The following APC variants were observed in gnomAD, a reference collection of about 807,000 sequenced individuals.
APC encodes APC regulator of Wnt signaling pathway, also known as adenomatous polyposis coli protein.
Under a neutral mutation model 247.0 loss-of-function variants are expected in APC, and 72 were observed. That is an observed-to-expected ratio of 0.29 (90% confidence interval 0.24 to 0.35). APC has a LOEUF of 0.35. Among genes scored for constraint, APC ranks in the 10% least tolerant of loss-of-function variants. APC has a pLI of 1.00. For missense variants in APC, 3,400 were observed against 3,360.7 expected (o/e 1.01, Z -0.29); for synonymous variants, 1,254 against 1,162.5 (o/e 1.08, Z -1.60).
At chr5:112,834,141 C>G (rs1764606972) in intron 14 of APC, among the ~76,000 whole-genome samples, 1 of 151,444 alleles carries the variant, frequency 6.6e-6, no homozygotes, top group Admixed American at 6.6e-5. Flanking sequence ...GGGATTTCAC[C>G]ATGTTGTCCA....
chr5:112,717,908 CTTTTTTTTTTTT>C lies in APC; in HGVS notation c.165+10044_165+10055del. ...CTCTTTTCTTTTTCTTTTTCTTTTT[CTTTTTTTTTTTT>C]TTTTTTTTTTTTTTTTTGCTTCTTT... is the stretch of plus-strand genomic sequence containing the variant. On this transcript the variant is annotated intron_variant, in intron 1 of 13. Coordinates refer to the APC transcript ENST00000507379. Among the ~76,000 whole-genome samples, 30 of 40,658 alleles carry C rather than the reference CTTTTTTTTTTTT, an allele frequency of 7.4e-4. No individual in the cohort carries two copies. In the East Asian group the frequency reaches 7.9e-3, roughly 11 times the overall value. 26.7% of individuals were successfully genotyped at this position (40,658 alleles called of 152,430 possible). A position where few individuals can be genotyped will look rare whatever the true frequency, so the allele number is the denominator to read the frequency against.
At chr5:112,828,714 G>A in intron 13 of APC, 142 bp from the exon 14 acceptor site, 2 of 624,698 alleles carry the variant, frequency 3.2e-6, no homozygotes, top group Non-Finnish European at 5.8e-6. Flanking sequence ...CTCCCAAAGT[G>A]ATAGGATTAC....
At chr5:112,764,618 A>G (rs1561459374) in intron 2 of APC, among the ~76,000 whole-genome samples, 1 of 152,240 alleles carries the variant, frequency 6.6e-6, no homozygotes, top group African/African-American at 2.4e-5. Flanking sequence ...AGCATCCATC[A>G]GTTGGTTGGA....
chr5:112,717,202 G>A (rs938561196), intron 1 of APC, among the ~76,000 whole-genome samples: 5 of 151,974 alleles, frequency 3.3e-5, no homozygotes, highest in Non-Finnish European at 7.4e-5. Context: ...GAGTAGATAC[G>A]GGGTTTCACC....
At chr5:112,735,130 G>A (rs1005349925), upstream of APC, among the ~76,000 whole-genome samples, 5 of 151,832 alleles carry the variant, frequency 3.3e-5, no homozygotes, top group Non-Finnish European at 5.9e-5. Flanking sequence ...TTGTCAGTGC[G>A]GTCTTTAAAC....
At chr5:112,766,282 G>T (rs2149783532) in intron 2 of APC, 44 bp from the exon 3 acceptor site, 1 of 1,365,148 alleles carries the variant, frequency 7.3e-7, no homozygotes, top group Non-Finnish European at 1.0e-6. Context: ...ATGTCTTGAA[G>T]TTATTTAGAA....
In APC at chr5:112,840,960, T is replaced by A. The variant is rs1362525174; in HGVS notation, c.5366T>A (p.Val1789Glu). The change falls in exon 16 of 16, where the codon GTA becomes GAA. Residue 1789 changes from valine to glutamate, a missense_variant. Physicochemically the swap from Val to Glu is moderately radical, Grantham distance 121. Transcript: ENST00000257430. The surrounding 1 kb of genome is among the most constrained non-coding windows in gnomAD (Gnocchi z 4.1). ...CAAAATACTGAATATAGGACACGTG[T>A]AAGAAAAAATGCAGACTCAAAAAAT... is the stretch of plus-strand genomic sequence containing the variant. ...IPQNTEYRTR[V>E]RKNADSKNNL... 6.2e-7 allele frequency: 1 copy of A among 1,612,996 alleles called. No individual in the cohort carries two copies. Among genetic ancestry groups the A allele is most frequent in the Admixed American group, 1.7e-5 (1 of 59,824 alleles).
At position 112,802,772 on chromosome 5, in the gene APC, A is replaced by G. The variant is rs571071024; in HGVS notation, c.834+1389A>G. Among the ~76,000 whole-genome samples, 212 of 152,266 alleles carry G rather than the reference A, an allele frequency of 1.4e-3. 2 individuals are homozygous for G. Among genetic ancestry groups the G allele is most frequent in the African/African-American group, 5.0e-3 (207 of 41,588 alleles). Reference sequence around the variant, plus strand: ...TCACGTTACAGCATGAGACTTCAGTATGCCAGGAAATCATAGCGAGATTCC... The same window carrying G: ...TCACGTTACAGCATGAGACTTCAGTGTGCCAGGAAATCATAGCGAGATTCC... On this transcript the variant is annotated intron_variant, in intron 8 of 15. Coordinates refer to ENST00000257430, the MANE Select transcript of APC (RefSeq NM_000038.6).
chr5:112,767,423 G>T, intron 4 of APC, 33 bp downstream of exon 4: 1 of 1,464,346 alleles, frequency 6.8e-7, no homozygotes, highest in Non-Finnish European at 9.6e-7. Flanking sequence ...ACATTGCCTT[G>T]TGTACTCCAG....
rs1417305361 is a variant in APC at position 112,751,157 on chromosome 5, A to G, written c.-18-3716A>G. 4.6e-5 allele frequency among the ~76,000 whole-genome samples: 7 copies of G among 152,240 alleles called. No individual in the cohort carries two copies. In the East Asian group the frequency reaches 1.3e-3, roughly 29 times the overall value. The stretch of plus-strand genomic sequence containing the variant: ...TGGAAAAATAGTACAGAGAGTTTCT[A>G]TATACCTTTTACAGATTCCCCAGAT... On this transcript the variant is annotated intron_variant, in intron 1 of 15. Coordinates refer to ENST00000257430, the MANE Select transcript of APC (RefSeq NM_000038.6).
rs775738268 is a variant in APC, at chr5:112,707,794, G to T, written c.77G>T (p.Ser26Ile). 6 of 1,370,558 alleles carry T rather than the reference G, an allele frequency of 4.4e-6. No individual in the cohort carries two copies. The highest frequency in any genetic ancestry group is 4.8e-6 in the Non-Finnish European group (5 of 1,038,820). 84.9% of individuals were successfully genotyped at this position (1,370,558 alleles called of 1,614,324 possible). A position where few individuals can be genotyped will look rare whatever the true frequency, so the allele number is the denominator to read the frequency against. The change falls in exon 1 of 14, where the codon AGC becomes ATC. Residue 26 changes from serine to isoleucine, a missense_variant. By Grantham distance (142) the Ser-to-Ile change is moderately radical (BLOSUM62 -2). Coordinates refer to the APC transcript ENST00000507379. ...CCACCCTCAGTTCTCGGGTCCTGGA[G>T]CACCGGCGGCAGCAGGAGCTGCGTC...
chr5:112,741,581 TAC>T (rs1370206925), intron 1 of APC, among the ~76,000 whole-genome samples: 1 of 152,240 alleles, frequency 6.6e-6, no homozygotes, highest in Non-Finnish European at 1.5e-5. Flanking sequence ...GTCTGTTTTT[TAC>T]AGTTAATGAG....
Position 112,819,124 on chromosome 5 carries a change from C to G in APC, c.1092C>G (p.Asp364Glu), listed in dbSNP as rs1199369536. The G allele has an allele frequency of 6.2e-7, 1 of 1,614,092 alleles. No individual in the cohort carries two copies. Among genetic ancestry groups the G allele is most frequent in the Non-Finnish European group, 8.5e-7 (1 of 1,180,000 alleles). The change falls in exon 10 of 16, where the codon GAC (aspartate) becomes GAG (glutamate). Residue 364 changes from aspartate to glutamate, a missense_variant. Transcript: ENST00000257430. The part of the protein sequence containing the change: ...PLLIQLLHGN[D>E]KDSVLLGNSR... Reference sequence around the variant, plus strand: ...TCATCCAGCTTTTACATGGCAATGACAAAGACTCTGTATTGTTGGGAAATT... The same window carrying G: ...TCATCCAGCTTTTACATGGCAATGAGAAAGACTCTGTATTGTTGGGAAATT...
At position 112,843,648 on chromosome 5, in the gene APC, G is replaced by A. The variant is rs1554088868; in HGVS notation, c.8054G>A (p.Ser2685Asn). Reference protein sequence around the residue: ...PTGNTPPVIDSVSEKANPNIK... With the variant: ...PTGNTPPVIDNVSEKANPNIK... ...GGTAATACTCCCCCGGTGATTGACA[G>A]TGTTTCAGAAAAGGCAAATCCAAAC... Residue 2685 changes from serine to asparagine, a missense_variant, in exon 16 of 16, where the codon AGT becomes AAT. By Grantham distance (46) the Ser-to-Asn change is conservative (BLOSUM62 1). Transcript: ENST00000257430. The surrounding 1 kb of genome is among the most constrained non-coding windows in gnomAD (Gnocchi z 4.8). 6.2e-7 allele frequency: 1 copy of A among 1,613,950 alleles called. No individual in the cohort carries two copies.
upstream of APC, among the ~76,000 whole-genome samples, chr5:112,736,138 G>A (rs903180185): frequency 3.3e-5 from 5 of 152,198 alleles, no homozygotes; most frequent in African/African-American, 1.2e-4. Flanking sequence ...AATAAGTCCT[G>A]TGCAGTGAAT....
At chr5:112,826,939 T>C (rs1362057427) in intron 11 of APC, among the ~76,000 whole-genome samples, 169 bp from the exon 12 acceptor site, 3 of 152,234 alleles carry the variant, frequency 2.0e-5, no homozygotes, top group Non-Finnish European at 2.9e-5. Context: ...AAATATATTA[T>C]ACAGAAGTTC....
intron 1 of APC, among the ~76,000 whole-genome samples, chr5:112,728,627 C>T (rs1457311987): frequency 7.8e-6 from 1 of 127,392 alleles, no homozygotes; most frequent in Non-Finnish European, 1.7e-5. Context: ...AAATGGTTGC[C>T]AGAGGTGATT....
rs1580565129 is a variant in APC at position 112,827,174 on chromosome 5, A to G, written c.1475A>G (p.His492Arg). The change falls in exon 12 of 16, where the codon CAC becomes CGC. Residue 492 changes from histidine (H) to arginine (R), a missense_variant. Transcript: ENST00000257430. ...GAAATGTATGGGCTTACTAATGACC[A>G]CTACAGTATTACACTAAGACGATAT... ...DCEMYGLTND[H>R]YSITLRRYAG... The G allele has an allele frequency of 1.2e-6, 2 of 1,613,902 alleles. No homozygotes were observed. The highest frequency in any genetic ancestry group is 2.2e-5 in the East Asian group (1 of 44,838).
Position 112,843,175 on chromosome 5 carries a change from T to TA in APC, c.7582dup (p.Ile2528AsnfsTer7). ...ATGGAAGACCAGCAAAGCGCCATGA[T>TA]ATTGCACGGTCTCATTCTGAAAGTC... is the stretch of plus-strand genomic sequence containing the variant. On this transcript the variant is annotated frameshift_variant, in exon 16 of 16. Transcript: ENST00000257430. LOFTEE classifies it high-confidence loss of function. The surrounding 1 kb of genome is among the most constrained non-coding windows in gnomAD (Gnocchi z 4.8). 1 of 1,613,228 alleles carries TA rather than the reference T, an allele frequency of 6.2e-7. No homozygotes were observed. Among genetic ancestry groups the TA allele is most frequent in the East Asian group, 2.2e-5 (1 of 44,858 alleles).
Sources: allele counts gnomAD v4.1 joint callset (sites outside exome capture counted in the v4.1 genomes callset), GRCh38; gene constraint gnomAD v4.1.1; non-coding constraint Gnocchi (gnomAD v3.1); transcripts MANE v1.5; gene names NCBI Gene and HGNC (gene_info 2026-07-23, HGNC 2026-07-21).